ABTB2: variants seen among roughly 807,000 people sequenced by gnomAD.
ABTB2 encodes the protein ankyrin repeat and BTB domain containing 2, also known as ankyrin repeat and BTB/POZ domain-containing protein 2.
Under a neutral mutation model 104.1 loss-of-function variants are expected in ABTB2, and 56 were observed. The ratio of observed to expected loss-of-function variants is 0.54; its 90% CI spans 0.43 to 0.67. ABTB2 has a LOEUF of 0.67. Among genes scored for constraint, ABTB2 ranks in the 30% least tolerant of loss-of-function variants. The probability of loss-of-function intolerance (pLI) is 0.00; values close to 1 mark genes in which losing one functional copy is unlikely to be tolerated. For missense variants in ABTB2, 1,279 were observed against 1,407.7 expected (o/e 0.91, Z 1.46); for synonymous variants, 606 against 608.2 (o/e 1.00, Z 0.05).
At chr11:34,183,187 A>G (rs1205201020) in intron 3 of ABTB2, among the ~76,000 whole-genome samples, 3 of 151,864 alleles carry the variant, frequency 2.0e-5, no homozygotes, top group Non-Finnish European at 2.9e-5. Flanking sequence ...TGTAGCCTCA[A>G]CCTCCTCTGC....
chr11:34,300,654 T>A (rs1481975817), intron 1 of ABTB2, among the ~76,000 whole-genome samples: 1 of 152,086 alleles, frequency 6.6e-6, no homozygotes, highest in African/African-American at 2.4e-5. Flanking sequence ...TAATTGGGCA[T>A]AATCAGAGCT....
At position 34,152,276 on chromosome 11, in the gene ABTB2, G is replaced by A; in HGVS notation, c.*111C>T. The A allele has an allele frequency of 1.6e-6, 2 of 1,214,548 alleles. No individual in the cohort carries two copies. The highest frequency in any genetic ancestry group is 1.5e-5 in the South Asian group (1 of 66,416). The allele number at this position is 1,214,548 out of a possible 1,614,324, so 75.2% of individuals were successfully genotyped here. A position where few individuals can be genotyped will look rare whatever the true frequency, so the allele number is the denominator to read the frequency against. On this transcript the variant is annotated 3_prime_UTR_variant, in exon 17 of 17. Transcript: ENST00000435224. ...GACAGGGGGGACATCTGGGGGAGGA[G>A]GAGGAAACAGCCCCGTGAACCTGGC...
chr11:34,207,797 ACCTTGT>A (rs1853427735), intron 1 of ABTB2, among the ~76,000 whole-genome samples: 1 of 152,230 alleles, frequency 6.6e-6, no homozygotes, highest in African/African-American at 2.4e-5. Flanking sequence ...AACTTTGCCC[ACCTTGT>A]CCTTTCTCGA....
intron 1 of ABTB2, among the ~76,000 whole-genome samples, chr11:34,251,426 G>C (rs181430754): frequency 2.6e-5 from 4 of 152,162 alleles, no homozygotes; most frequent in African/African-American, 9.7e-5. Context: ...CACAGCTCCC[G>C]ACACTGTCTC....
At chr11:34,207,221 C>T (rs1343713417) in intron 1 of ABTB2, among the ~76,000 whole-genome samples, 1 of 152,250 alleles carries the variant, frequency 6.6e-6, no homozygotes, top group Non-Finnish European at 1.5e-5. Context: ...TATTAATCTA[C>T]AGAAACAACA....
chr11:34,268,688 A>G (rs1242193260), intron 1 of ABTB2, among the ~76,000 whole-genome samples: 1 of 152,018 alleles, frequency 6.6e-6, no homozygotes, highest in Non-Finnish European at 1.5e-5. Flanking sequence ...ATTCTGCTAC[A>G]CTCCTGGAGG....
chr11:34,269,406 TG>T (rs1302051258), intron 1 of ABTB2, among the ~76,000 whole-genome samples: 1 of 152,162 alleles, frequency 6.6e-6, no homozygotes, highest in Non-Finnish European at 1.5e-5. Flanking sequence ...CACCTACTTC[TG>T]GGTGGCAGAA....
chr11:34,289,334 G>A (rs947137955), intron 1 of ABTB2, among the ~76,000 whole-genome samples: 13 of 152,210 alleles, frequency 8.5e-5, no homozygotes, highest in Admixed American at 2.6e-4. Context: ...AGTTCGCCAT[G>A]GCACATCTAG....
intron 1 of ABTB2, among the ~76,000 whole-genome samples, chr11:34,266,401 T>C (rs1854250803): frequency 6.6e-6 from 1 of 152,192 alleles, no homozygotes; most frequent in Non-Finnish European, 1.5e-5. Flanking sequence ...TATATGACTC[T>C]AAAGAAGTCA....
At chr11:34,273,737 G>A (rs1159280996) in intron 1 of ABTB2, among the ~76,000 whole-genome samples, 2 of 152,014 alleles carry the variant, frequency 1.3e-5, no homozygotes. Flanking sequence ...CTAGTACTGG[G>A]GCAACGATCT....
intron 1 of ABTB2, among the ~76,000 whole-genome samples, chr11:34,209,537 C>G (rs1172913723): frequency 1.1e-5 from 1 of 91,428 alleles, no homozygotes; most frequent in Non-Finnish European, 2.1e-5. Flanking sequence ...CTGCTCTGCT[C>G]TAGCCCAGAG....
intron 1 of ABTB2, among the ~76,000 whole-genome samples, chr11:34,343,022 G>A (rs919437890): frequency 6.6e-6 from 1 of 151,556 alleles, no homozygotes; most frequent in African/African-American, 2.4e-5. Flanking sequence ...CAGGCTGGAG[G>A]GCAGTGGTGC....
Position 34,168,012 on chromosome 11 carries a change from G to T in ABTB2, c.1564-20C>A, listed in dbSNP as rs771773832. On this transcript the variant is annotated intron_variant, in intron 5 of 16. Coordinates refer to ENST00000435224, the MANE Select transcript of ABTB2 (RefSeq NM_145804.3). Reference sequence around the variant, plus strand: ...CATACCCTGAGCAAATCAAATGCACGTGCTAAACTGTTTGCAAACAGAACA... The same window carrying T: ...CATACCCTGAGCAAATCAAATGCACTTGCTAAACTGTTTGCAAACAGAACA... The T allele has an allele frequency of 9.3e-6, 15 of 1,610,914 alleles. No homozygotes were observed. The Middle Eastern group carries it at 1.7e-3, about 177-fold the overall frequency.
At chr11:34,278,208 AT>A (rs1423988599) in intron 1 of ABTB2, among the ~76,000 whole-genome samples, 1 of 152,222 alleles carries the variant, frequency 6.6e-6, no homozygotes, top group Non-Finnish European at 1.5e-5. Flanking sequence ...AGTTAAAAAA[AT>A]AAAAATAAAC....
intron 10 of ABTB2, among the ~76,000 whole-genome samples, chr11:34,162,001 A>G (rs562360629): frequency 2.2e-4 from 34 of 152,242 alleles, no homozygotes; most frequent in Admixed American, 2.2e-3. Context: ...GGTGGCCACT[A>G]CGCCTTGTAC....
chr11:34,335,520 T>G (rs1855183665), intron 1 of ABTB2: 5 of 1,108,820 alleles, frequency 4.5e-6, no homozygotes, highest in Non-Finnish European at 1.4e-6. Flanking sequence ...AAACAGTGAT[T>G]CAAAATCTTT....
chr11:34,197,394 C>T lies in ABTB2; in HGVS notation c.1175G>A (p.Arg392Gln), dbSNP rs771403049. The change falls in exon 3 of 17, where the codon CGG (arginine) becomes CAG (glutamine). Residue 392 changes from arginine (R) to glutamine (Q), a missense_variant. Coordinates refer to ENST00000435224, the MANE Select transcript of ABTB2 (RefSeq NM_145804.3). ...DALHTLYYFL[R>Q]CPQMESMENP... ...CTCCATGGACTCCATCTGTGGACAC[C>T]GCAGAAAGTAGTAGAGCGTGTGGAG... 9 of 1,613,212 alleles carry T rather than the reference C, an allele frequency of 5.6e-6. No homozygotes were observed. Among genetic ancestry groups the T allele is most frequent in the Non-Finnish European group, 6.8e-6 (8 of 1,179,622 alleles).
In ABTB2 at chr11:34,269,976, T is replaced by C. The variant is rs1334194035; in HGVS notation, c.884-65286A>G. 9.2e-5 allele frequency among the ~76,000 whole-genome samples: 14 copies of C among 152,358 alleles called. No homozygotes were observed. The South Asian group carries it at 2.7e-3, about 29-fold the overall frequency. ...AGATAAGAAAATCAAACAAGTCAAA[T>C]GTCCACTTAGCAAGTGGTACAGCCA... On this transcript the variant is annotated intron_variant, in intron 1 of 16. Transcript: ENST00000435224.
At chr11:34,164,338 C>G (rs1379799108) in intron 9 of ABTB2, among the ~76,000 whole-genome samples, 1 of 151,238 alleles carries the variant, frequency 6.6e-6, no homozygotes, top group African/African-American at 2.4e-5. Flanking sequence ...TCCAAGGCCA[C>G]TTGGGCACTG....
Sources: gnomAD v4.1 joint callset for allele counts (sites outside exome capture counted in the v4.1 genomes callset) on GRCh38, gnomAD v4.1.1 for gene constraint, MANE v1.5 for transcripts, NCBI Gene and HGNC (gene_info 2026-07-23, HGNC 2026-07-21) for gene names.